IQSEC2: variants seen among roughly 807,000 people sequenced by gnomAD.
IQSEC2 encodes IQ motif and SEC7 domain-containing protein 2.
IQSEC2 carries 6 observed loss-of-function variants against 74.6 expected under a neutral mutation model. The ratio of observed to expected loss-of-function variants is 0.08; its 90% CI spans 0.04 to 0.16. IQSEC2 has a LOEUF of 0.16. Ranked by LOEUF, IQSEC2 falls within the 10% of genes least tolerant of loss-of-function variation. The pLI is 1.00. For missense variants in IQSEC2, 734 were observed against 1,306.2 expected, an observed-to-expected ratio of 0.56 and a Z score of 6.75; for synonymous variants, 494 against 544.5, an observed-to-expected ratio of 0.91 and a Z score of 1.29.
At chrX:53,299,388 C>T (rs1386088149) in intron 1 of IQSEC2, among the ~76,000 whole-genome samples, 1 of 111,967 alleles carries the variant, frequency 8.9e-6, no homozygotes, top group Non-Finnish European at 1.9e-5. Context: ...AAAGGCTGTT[C>T]TTTTGTTAGA....
rs1064797066 is a variant in IQSEC2 at position 53,250,922 on chromosome X, G to T, written c.1654C>A (p.Pro552Thr). 1 of 1,208,879 alleles carries T rather than the reference G, an allele frequency of 8.3e-7. No homozygotes were observed. Among genetic ancestry groups the T allele is most frequent in the Non-Finnish European group, 1.1e-6 (1 of 894,105 alleles). ...RPEFWAPAPL[P>T]PVPPPVPSGT... ...GATGGCACTGGTGGAGGAACTGGCG[G>T]GAGAGGGGCTGGCGCCCAGAACTCG... Residue 552 changes from proline (P) to threonine (T), a missense_variant, in exon 5 of 15, where the codon CCG becomes ACG. Physicochemically the swap from Pro to Thr is conservative, Grantham distance 38. Coordinates refer to ENST00000642864, the MANE Select transcript of IQSEC2 (RefSeq NM_001111125.3).
At chrX:53,230,144 T>G (rs1569289364), downstream of IQSEC2, 1 of 112,444 alleles carries the variant, frequency 8.9e-6, no homozygotes, top group Non-Finnish European at 1.9e-5. Context: ...TCAGGCTAAG[T>G]CCTACTCGCC....
chrX:53,296,061 G>C (rs1250504772), intron 1 of IQSEC2, among the ~76,000 whole-genome samples: 3 of 105,692 alleles, frequency 2.8e-5, no homozygotes, highest in Admixed American at 1.0e-4. Context: ...TTTTGAGACA[G>C]AGTCTCACTC....
At chrX:53,238,483 G>C (rs2074169687) in intron 11 of IQSEC2, among the ~76,000 whole-genome samples, 177 bp from the exon 12 acceptor site, 2 of 110,872 alleles carry the variant, frequency 1.8e-5, no homozygotes, top group Admixed American at 9.6e-5. Context: ...GGGCTCAAGT[G>C]ATCCTTCTGC....
chrX:53,246,174 C>A (rs1332512444), intron 8 of IQSEC2, among the ~76,000 whole-genome samples: 1 of 111,751 alleles, frequency 8.9e-6, no homozygotes, highest in Non-Finnish European at 1.9e-5. Flanking sequence ...CAATTGTTCC[C>A]TAAAGAAAAT....
At chrX:53,314,946 C>A (rs186042038) in intron 1 of IQSEC2, among the ~76,000 whole-genome samples, 137 of 111,649 alleles carry the variant, frequency 1.2e-3, no homozygotes, top group African/African-American at 4.3e-3. Flanking sequence ...GAGCCACATA[C>A]CTGGAGTAGC....
rs782290867 is a variant in IQSEC2, at chrX:53,267,042, T to TCTC, written c.738-10984_738-10982dup. 6.5e-5 allele frequency: 75 copies of TCTC among 1,146,390 alleles called. No individual in the cohort carries two copies. The Admixed American group carries it at 1.6e-3, about 24-fold the overall frequency. 94.5% of individuals were successfully genotyped at this position (1,146,390 alleles called of 1,213,427 possible). On this transcript the variant is annotated intron_variant, in intron 2 of 14. Coordinates refer to ENST00000642864, the MANE Select transcript of IQSEC2 (RefSeq NM_001111125.3). ...GCGTCTTCCTCTTCCTCTTCCTCAG[T>TCTC]CTCCTCCTCCTCCTCCTCTTCCCTG... is the stretch of plus-strand genomic sequence containing the variant.
chrX:53,255,704 C>G (rs1005384464), intron 3 of IQSEC2, 96 bp downstream of exon 3: 9 of 1,047,741 alleles, frequency 8.6e-6, no homozygotes, highest in Non-Finnish European at 1.1e-5. Context: ...CTCATTATCC[C>G]TCCCTGATAC....
intron 2 of IQSEC2, among the ~76,000 whole-genome samples, chrX:53,278,898 C>T (rs943558703): frequency 8.9e-6 from 1 of 112,385 alleles, no homozygotes; most frequent in East Asian, 2.8e-4. Flanking sequence ...TGTTTTCCAG[C>T]CGGGTGTGGT....
At chrX:53,258,365 T>C (rs933141690) in intron 2 of IQSEC2, among the ~76,000 whole-genome samples, 1 of 111,991 alleles carries the variant, frequency 8.9e-6, no homozygotes, top group East Asian at 2.8e-4. Context: ...GGAAGAGAAT[T>C]TGATAATCTC....
At chrX:53,293,323 C>G (rs1556873480) in intron 1 of IQSEC2, among the ~76,000 whole-genome samples, 1 of 111,713 alleles carries the variant, frequency 9.0e-6, no homozygotes, top group African/African-American at 3.3e-5. Flanking sequence ...GAGAGTCACT[C>G]CCTTTATGGG....
intron 2 of IQSEC2, among the ~76,000 whole-genome samples, chrX:53,268,181 C>A (rs1395696651): frequency 9.0e-6 from 1 of 111,237 alleles, no homozygotes; most frequent in East Asian, 2.8e-4. Flanking sequence ...AAACAGTTAC[C>A]CTCATTCCCA....
At chrX:53,299,025 T>C (rs1355024151) in intron 1 of IQSEC2, among the ~76,000 whole-genome samples, 2 of 110,808 alleles carry the variant, frequency 1.8e-5, no homozygotes, top group Non-Finnish European at 3.8e-5. Flanking sequence ...GAGCTTGGGG[T>C]TTTTAAAAAC....
intron 5 of IQSEC2, among the ~76,000 whole-genome samples, chrX:53,250,075 G>A (rs782508338): frequency 9.0e-6 from 1 of 111,536 alleles, no homozygotes; most frequent in African/African-American, 3.3e-5. Context: ...GGCAGTACTG[G>A]GACCCGAGCC....
At chrX:53,260,048 G>T (rs782215194) in intron 2 of IQSEC2, among the ~76,000 whole-genome samples, 1 of 111,662 alleles carries the variant, frequency 9.0e-6, no homozygotes, top group Non-Finnish European at 1.9e-5. Flanking sequence ...CATTATGGGG[G>T]GCACAAGGTT....
chrX:53,247,670 C>T (rs2147083383), intron 7 of IQSEC2, among the ~76,000 whole-genome samples: 1 of 112,264 alleles, frequency 8.9e-6, no homozygotes, highest in South Asian at 3.7e-4. Context: ...TGGACTCAGA[C>T]ACATACGAGT....
downstream of IQSEC2, among the ~76,000 whole-genome samples, chrX:53,228,366 A>G (rs2074051162): frequency 9.0e-6 from 1 of 111,687 alleles, no homozygotes; most frequent in Non-Finnish European, 1.9e-5. Flanking sequence ...CATTCAGGAA[A>G]TGGGTTTGTT....
chrX:53,259,875 C>T (rs1174637202), intron 2 of IQSEC2, among the ~76,000 whole-genome samples: 2 of 112,184 alleles, frequency 1.8e-5, no homozygotes, highest in Admixed American at 9.4e-5. Flanking sequence ...CCTTCCACAG[C>T]GCCAGATAAC....
chrX:53,279,206 C>A, intron 2 of IQSEC2: 1 of 174,736 alleles, frequency 5.7e-6, no homozygotes. Context: ...AAATAACATT[C>A]TGCAAAGATA....
Sources: gnomAD v4.1 joint callset for allele counts (sites outside exome capture counted in the v4.1 genomes callset) on GRCh38, gnomAD v4.1.1 for gene constraint, MANE v1.5 for transcripts, NCBI Gene and HGNC (gene_info 2026-07-23, HGNC 2026-07-21) for gene names.